STAG1: variants seen among roughly 807,000 people sequenced by gnomAD.
STAG1 encodes STAG1 cohesin complex component.
In STAG1, 26 loss-of-function variants were observed where a neutral mutation model predicts 170.9. The observed-to-expected ratio is 0.15, with a 90% CI of 0.11 to 0.21. The LOEUF is 0.21. Ranked by LOEUF, STAG1 falls within the 10% of genes least tolerant of loss-of-function variation. The pLI is 1.00. For synonymous variants in STAG1, 514 were observed against 497.7 expected, an observed-to-expected ratio of 1.03 and a Z score of -0.44; for missense variants, 964 against 1,509.5, an observed-to-expected ratio of 0.64 and a Z score of 5.99.
At chr3:136,650,264 G>GA (rs1941171420) in intron 1 of STAG1, among the ~76,000 whole-genome samples, 1 of 149,876 alleles carries the variant, frequency 6.7e-6, no homozygotes, top group Non-Finnish European at 1.5e-5. Flanking sequence ...AGAGAGACAG[G>GA]AAAAATAATA....
At chr3:136,423,157 C>T (rs2088009120) in intron 16 of STAG1, 113 bp from the exon 17 acceptor site, 6 of 635,294 alleles carry the variant, frequency 9.4e-6, no homozygotes, top group Non-Finnish European at 1.5e-5. Flanking sequence ...TTAAGAGAAA[C>T]TTAATGACTG....
chr3:136,524,323 T>C (rs1296618079), intron 6 of STAG1, among the ~76,000 whole-genome samples: 2 of 152,146 alleles, frequency 1.3e-5, no homozygotes, highest in African/African-American at 4.8e-5. Flanking sequence ...CCCTTGTAGG[T>C]TGGATTCCTA....
chr3:136,698,164 G>A (rs770849452), intron 1 of STAG1, among the ~76,000 whole-genome samples: 30 of 151,906 alleles, frequency 2.0e-4, no homozygotes, highest in Admixed American at 3.9e-4. Context: ...AAAATAAATG[G>A]GACCTAATTA....
At chr3:136,565,219 CA>C (rs1000299547) in intron 5 of STAG1, among the ~76,000 whole-genome samples, 11 of 151,492 alleles carry the variant, frequency 7.3e-5, no homozygotes, top group South Asian at 4.2e-4. Flanking sequence ...TATTGTGCAC[CA>C]AAAAACATCA....
intron 7 of STAG1, among the ~76,000 whole-genome samples, chr3:136,509,912 A>G (rs1357281831): frequency 6.6e-6 from 1 of 152,266 alleles, no homozygotes; most frequent in Non-Finnish European, 1.5e-5. Context: ...ATAGTGGAAC[A>G]AACTAGATTT....
chr3:136,536,363 G>A (rs897256084), intron 6 of STAG1, among the ~76,000 whole-genome samples: 4 of 152,138 alleles, frequency 2.6e-5, no homozygotes, highest in African/African-American at 7.2e-5. Context: ...CTGAAAAAGT[G>A]TAACTGTTAC....
chr3:136,633,784 G>A (rs561060996), intron 1 of STAG1, among the ~76,000 whole-genome samples: 4 of 147,172 alleles, frequency 2.7e-5, no homozygotes, highest in Admixed American at 2.1e-4. Context: ...CCAGGAGTTC[G>A]AGACCAGCCC....
chr3:136,498,801 G>T (rs1339329481), intron 9 of STAG1, among the ~76,000 whole-genome samples: 2 of 151,676 alleles, frequency 1.3e-5, no homozygotes, highest in African/African-American at 4.8e-5. Flanking sequence ...CAAGAAAGCA[G>T]ACATAAAACT....
At position 136,653,213 on chromosome 3, in the gene STAG1, G is replaced by A. The variant is rs979517595; in HGVS notation, c.-83-22232C>T. On this transcript the variant is annotated intron_variant, in intron 1 of 33. Transcript: ENST00000383202. The stretch of plus-strand genomic sequence containing the variant: ...CTTGAACCCAGGAGGCAGAAGTTGC[G>A]GTGAGCCGAGATCGTGCTGTTGCAC... Among the ~76,000 whole-genome samples, 12 of 151,836 alleles carry A rather than the reference G, an allele frequency of 7.9e-5. No homozygotes were observed. The East Asian group carries it at 1.7e-3, about 22-fold the overall frequency.
chr3:136,541,064 A>G (rs2107725178), intron 6 of STAG1, among the ~76,000 whole-genome samples: 1 of 152,102 alleles, frequency 6.6e-6, no homozygotes, highest in East Asian at 1.9e-4. Flanking sequence ...TTTGGTATAC[A>G]TTAGAATCAC....
At chr3:136,454,216 T>C (rs2089035846) in intron 13 of STAG1, among the ~76,000 whole-genome samples, 1 of 152,202 alleles carries the variant, frequency 6.6e-6, no homozygotes, top group Non-Finnish European at 1.5e-5. Flanking sequence ...GTTGCTGGGA[T>C]TACAGGTGCC....
At chr3:136,684,702 G>T (rs952750432) in intron 1 of STAG1, among the ~76,000 whole-genome samples, 2 of 150,786 alleles carry the variant, frequency 1.3e-5, no homozygotes, top group Non-Finnish European at 2.9e-5. Flanking sequence ...CTTGAACCCG[G>T]AAGGTGGAGG....
intron 1 of STAG1, among the ~76,000 whole-genome samples, chr3:136,712,489 G>A (rs1943411852): frequency 6.6e-6 from 1 of 152,122 alleles, no homozygotes. Flanking sequence ...AAATAGATAA[G>A]TGATGAGAAC....
intron 6 of STAG1, among the ~76,000 whole-genome samples, chr3:136,531,719 A>G (rs1935378267): frequency 7.2e-6 from 1 of 139,362 alleles, no homozygotes; most frequent in South Asian, 2.5e-4. Flanking sequence ...ATGAGATCAC[A>G]TGGACACAGG....
intron 12 of STAG1, among the ~76,000 whole-genome samples, chr3:136,467,245 T>A (rs1157263234): frequency 1.3e-5 from 2 of 152,120 alleles, no homozygotes; most frequent in East Asian, 3.9e-4. Context: ...CCCATCAGTG[T>A]GCTGTATTCA....
intron 21 of STAG1, among the ~76,000 whole-genome samples, chr3:136,415,538 T>C (rs1479495497): frequency 2.6e-5 from 4 of 152,152 alleles, no homozygotes; most frequent in South Asian, 2.1e-4. Context: ...TGCATGGTTG[T>C]ATTAAGAAGT....
intron 6 of STAG1, among the ~76,000 whole-genome samples, chr3:136,525,804 C>G (rs1223822045): frequency 6.6e-6 from 1 of 152,176 alleles, no homozygotes; most frequent in African/African-American, 2.4e-5. Flanking sequence ...TGCCTTTGTT[C>G]TCACTGGTTT....
In STAG1 at chr3:136,390,454, T is replaced by C. The variant is rs78438276; in HGVS notation, c.2277+8295A>G. Among the ~76,000 whole-genome samples the C allele has an allele frequency of 7.7e-3, 1,171 of 152,298 alleles. 22 individuals are homozygous for C. Among genetic ancestry groups the C allele is most frequent in the African/African-American group, 0.026 (1,078 of 41,564 alleles). On this transcript the variant is annotated intron_variant, in intron 22 of 33. Coordinates refer to ENST00000383202, the MANE Select transcript of STAG1 (RefSeq NM_005862.3). The stretch of plus-strand genomic sequence containing the variant: ...AGACCTGTATCTTTCTTCTCTAACT[T>C]TTCTAGACCAGCCAATCAGGCACTT...
At chr3:136,579,340 T>A (rs116038008) in intron 4 of STAG1, among the ~76,000 whole-genome samples, 1 of 152,240 alleles carries the variant, frequency 6.6e-6, no homozygotes, top group Non-Finnish European at 1.5e-5. Context: ...GGTAGTTGTA[T>A]TGGTTATCTA....
Sources: allele counts gnomAD v4.1 joint callset (sites outside exome capture counted in the v4.1 genomes callset), GRCh38; gene constraint gnomAD v4.1.1; transcripts MANE v1.5; gene names NCBI Gene and HGNC (gene_info 2026-07-23, HGNC 2026-07-21).